Variants in PAK3 observed in about 807,000 individuals in gnomAD.
PAK3 encodes p21 (RAC1) activated kinase 3, also known as serine/threonine-protein kinase PAK 3.
In PAK3, 4 loss-of-function variants were observed where a neutral mutation model predicts 41.0. The ratio of observed to expected loss-of-function variants is 0.10; its 90% CI spans 0.05 to 0.22. PAK3 has a LOEUF of 0.22. Ranked by LOEUF, PAK3 falls within the 10% of genes least tolerant of loss-of-function variation. PAK3 has a pLI of 1.00. For synonymous variants in PAK3, 146 were observed against 139.6 expected (o/e 1.05, Z -0.32); for missense variants, 205 against 409.9 (o/e 0.50, Z 4.32).
chrX:111,035,935 GA>G (rs1373293260), intron 1 of PAK3, among the ~76,000 whole-genome samples: 1 of 112,449 alleles, frequency 8.9e-6, no homozygotes, highest in East Asian at 2.8e-4. Flanking sequence ...GACTGAAACA[GA>G]GAGGTAAATA....
chrX:111,104,026 C>T lies in PAK3; in HGVS notation c.-28+720C>T, dbSNP rs140660231. On this transcript the variant is annotated intron_variant, in intron 4 of 17. Coordinates refer to ENST00000372007, the MANE Select transcript of PAK3 (RefSeq NM_002578.5). ...GGACTAGATCTTACAGATCTCTAGT[C>T]TCCCTTAAAAGGGCTCAAAAGTTCC... is the stretch of plus-strand genomic sequence containing the variant. Among the ~76,000 whole-genome samples, 509 of 112,441 alleles carry T rather than the reference C, an allele frequency of 4.5e-3. 4 individuals carry two copies. Among genetic ancestry groups the T allele is most frequent in the African/African-American group, 0.016 (490 of 31,032 alleles).
At chrX:110,956,786 A>T (rs1421526523) in intron 1 of PAK3, among the ~76,000 whole-genome samples, 1 of 111,618 alleles carries the variant, frequency 9.0e-6, no homozygotes. Context: ...CTGGTCAGAG[A>T]GCACTTAGTC....
At chrX:111,129,456 A>C (rs2093689785) in intron 5 of PAK3, among the ~76,000 whole-genome samples, 1 of 111,483 alleles carries the variant, frequency 9.0e-6, no homozygotes, top group Non-Finnish European at 1.9e-5. Flanking sequence ...CCTGAAGGAC[A>C]TGGCATCTTG....
chrX:110,991,052 C>T (rs1274531593), intron 1 of PAK3, among the ~76,000 whole-genome samples: 1 of 109,425 alleles, frequency 9.1e-6, no homozygotes, highest in African/African-American at 3.3e-5. Context: ...TCGCTTGAAC[C>T]CTGGAGGCAG....
At position 111,058,871 on chromosome X, in the gene PAK3, G is replaced by A. The variant is rs769975275; in HGVS notation, c.-27-64206G>A. On this transcript the variant is annotated intron_variant, in intron 1 of 14. Coordinates refer to the PAK3 transcript ENST00000425146. ...GACAGTGGTCAAAATTTATTCTTTT[G>A]CATGTGGATATCCAGTTGTCTCAGT... 4.5e-5 allele frequency among the ~76,000 whole-genome samples: 5 copies of A among 111,301 alleles called. No homozygotes were observed. The South Asian group carries it at 1.9e-3, about 43-fold the overall frequency.
At chrX:111,214,014 A>C (rs2149389763) in intron 16 of PAK3, among the ~76,000 whole-genome samples, 1 of 111,730 alleles carries the variant, frequency 9.0e-6, no homozygotes, top group South Asian at 3.8e-4. Context: ...TCATCAATGA[A>C]GGTATTGAAA....
At chrX:111,019,816 A>G (rs749530465) in intron 1 of PAK3, among the ~76,000 whole-genome samples, 1 of 110,751 alleles carries the variant, frequency 9.0e-6, no homozygotes, top group South Asian at 3.9e-4. Flanking sequence ...ATCACTAGTC[A>G]TTGGAGAAAG....
At chrX:110,972,034 G>A (rs941547640) in intron 1 of PAK3, among the ~76,000 whole-genome samples, 17 of 110,867 alleles carry the variant, frequency 1.5e-4, no homozygotes, top group Admixed American at 2.9e-4. Flanking sequence ...ATTGTTCTAC[G>A]TATGTATGTA....
chrX:111,096,844 T>G (rs1403296435), intron 1 of PAK3: 4 of 67,152 alleles, frequency 6.0e-5, no homozygotes, highest in Admixed American at 2.5e-4. Flanking sequence ...TCTGGCCAAG[T>G]CCGGGGTAGA....
At chrX:111,121,540 GGAAAGCATTGATA>G (rs1383265235) in intron 4 of PAK3, among the ~76,000 whole-genome samples, 1 of 111,835 alleles carries the variant, frequency 8.9e-6, no homozygotes, top group African/African-American at 3.3e-5. Flanking sequence ...CTAAAGGGCC[GGAAAGCATTGATA>G]GATAATTTTT....
chrX:110,987,790 G>T (rs772822286), intron 1 of PAK3, among the ~76,000 whole-genome samples: 2 of 111,643 alleles, frequency 1.8e-5, no homozygotes, highest in Non-Finnish European at 3.8e-5. Flanking sequence ...TTCAGGATAG[G>T]TTCAAGGCCT....
intron 5 of PAK3, among the ~76,000 whole-genome samples, chrX:111,139,494 A>T (rs751736874): frequency 0.017 from 1,913 of 111,904 alleles, 44 homozygotes; most frequent in African/African-American, 0.059. Context: ...AGAGCCGCCT[A>T]AAGGAGGAGG....
intron 1 of PAK3, among the ~76,000 whole-genome samples, chrX:111,028,815 A>G (rs1197753552): frequency 8.9e-6 from 1 of 111,910 alleles, no homozygotes; most frequent in East Asian, 2.8e-4. Flanking sequence ...TGTTGAGACC[A>G]GGAAGTTCAC....
chrX:111,117,113 A>C (rs1157998861), intron 4 of PAK3, among the ~76,000 whole-genome samples: 1 of 111,942 alleles, frequency 8.9e-6, no homozygotes, highest in East Asian at 2.8e-4. Flanking sequence ...GGCCAACGAA[A>C]CTTGTTGGAG....
intron 10 of PAK3, among the ~76,000 whole-genome samples, chrX:111,171,431 G>A (rs1432561332): frequency 9.1e-6 from 1 of 110,105 alleles, no homozygotes; most frequent in Non-Finnish European, 1.9e-5. Flanking sequence ...TTATTCCCAT[G>A]ATTGTTCTAT....
At chrX:111,087,939 A>G (rs1334019851) in intron 1 of PAK3, among the ~76,000 whole-genome samples, 4 of 109,534 alleles carry the variant, frequency 3.7e-5, no homozygotes, top group African/African-American at 1.3e-4. Context: ...GGAGATCAGG[A>G]GAGAATAACC....
At chrX:111,016,665 T>C (rs2092094544) in intron 1 of PAK3, among the ~76,000 whole-genome samples, 1 of 107,259 alleles carries the variant, frequency 9.3e-6, no homozygotes, top group Admixed American at 1.0e-4. Flanking sequence ...AGTAGACTCT[T>C]TTTGGATGAT....
intron 1 of PAK3, among the ~76,000 whole-genome samples, chrX:110,954,395 C>A (rs2148598567): frequency 8.9e-6 from 1 of 112,399 alleles, no homozygotes; most frequent in African/African-American, 3.2e-5. Context: ...TGTTAGCATT[C>A]CATTTTACAG....
At chrX:111,075,566 C>T (rs1269161092) in intron 1 of PAK3, among the ~76,000 whole-genome samples, 1 of 112,831 alleles carries the variant, frequency 8.9e-6, no homozygotes, top group Non-Finnish European at 1.9e-5. Context: ...ATGGGAAAAC[C>T]TGAACAACCA....
Sources: gnomAD v4.1 joint callset for allele counts (sites outside exome capture counted in the v4.1 genomes callset) on GRCh38, gnomAD v4.1.1 for gene constraint, MANE v1.5 for transcripts, NCBI Gene and HGNC (gene_info 2026-07-23, HGNC 2026-07-21) for gene names.